OSBPL8: variants seen among roughly 807,000 people sequenced by gnomAD.
OSBPL8 encodes the protein oxysterol-binding protein-related protein 8.
In OSBPL8, 59 loss-of-function variants were observed where a neutral mutation model predicts 125.5. That is an observed-to-expected ratio of 0.47 (90% CI 0.38 to 0.58). The LOEUF is 0.58. Ranked by LOEUF, OSBPL8 falls within the 20% of genes least tolerant of loss-of-function variation. The pLI, the probability that OSBPL8 is intolerant of heterozygous loss-of-function variation, is 0.00. For missense variants in OSBPL8, 758 were observed against 1,047.8 expected (o/e 0.72, Z 3.82); for synonymous variants, 330 against 338.9 (o/e 0.97, Z 0.29).
chr12:76,405,763 A>G (rs1452322099), intron 5 of OSBPL8, among the ~76,000 whole-genome samples: 2 of 152,206 alleles, frequency 1.3e-5, no homozygotes, highest in Non-Finnish European at 2.9e-5. Flanking sequence ...TGTTGGGGAT[A>G]GTTTACTAAA....
chr12:76,539,049 T>TGGG (rs35179694), intron 1 of OSBPL8, among the ~76,000 whole-genome samples: 9 of 99,556 alleles, frequency 9.0e-5, no homozygotes, highest in Admixed American at 2.2e-4. Context: ...ATTAAATAAC[T>TGGG]GGGGGGGGGG....
Position 76,390,429 on chromosome 12 carries a change from T to C in OSBPL8, c.1158A>G (p.Glu386=). 1 of 1,605,504 alleles carries C rather than the reference T, an allele frequency of 6.2e-7. No individual in the cohort carries two copies. The highest frequency in any genetic ancestry group is 1.7e-5 in the Admixed American group (1 of 59,380). Reference sequence around the variant, plus strand: ...AATAGCAGACTTTTACCTCTCCAAGTTCTTCATGGCTCTGTTCAGTGTAGG... The same window carrying C: ...AATAGCAGACTTTTACCTCTCCAAGCTCTTCATGGCTCTGTTCAGTGTAGG... The part of the protein sequence containing the change: ...ETTYTEQSHE[E]LGEAGEASQT... The change falls in exon 11 of 24, where the codon GAA becomes GAG. Residue 386 remains glutamate (E), a synonymous_variant. Coordinates refer to ENST00000261183, the MANE Select transcript of OSBPL8 (RefSeq NM_020841.5).
At chr12:76,514,434 A>G (rs1239976478) in intron 1 of OSBPL8, among the ~76,000 whole-genome samples, 2 of 148,812 alleles carry the variant, frequency 1.3e-5, no homozygotes, top group Non-Finnish European at 3.0e-5. Flanking sequence ...TACAAGCATG[A>G]GCCGGCTAGA....
chr12:76,541,790 A>G (rs896221372), intron 1 of OSBPL8, among the ~76,000 whole-genome samples: 2 of 151,872 alleles, frequency 1.3e-5, no homozygotes, highest in African/African-American at 4.8e-5. Flanking sequence ...CGGGAGGTGG[A>G]GGCTGCAGTG....
At chr12:76,378,636 A>G (rs955072758) in intron 15 of OSBPL8, 86 bp from the exon 16 acceptor site, 2 of 883,656 alleles carry the variant, frequency 2.3e-6, no homozygotes, top group African/African-American at 3.3e-5. Context: ...CACCTACCAG[A>G]CATCTACAGT....
At chr12:76,438,267 T>C (rs1871738569) in intron 4 of OSBPL8, among the ~76,000 whole-genome samples, 1 of 150,824 alleles carries the variant, frequency 6.6e-6, no homozygotes, top group Admixed American at 6.6e-5. Context: ...ATTACAGGCA[T>C]GAGCCACTGC....
chr12:76,480,454 C>T (rs534858928), intron 2 of OSBPL8, among the ~76,000 whole-genome samples: 10 of 152,124 alleles, frequency 6.6e-5, no homozygotes, highest in African/African-American at 1.2e-4. Flanking sequence ...TATTGGGATA[C>T]GTTCTACTAC....
At chr12:76,391,843 A>T (rs1474336) in intron 10 of OSBPL8, among the ~76,000 whole-genome samples, 29,057 of 152,182 alleles carry the variant, frequency 0.19, 2,923 homozygotes, top group Middle Eastern at 0.24. Context: ...TAAATCAGGC[A>T]ATATGAAGAA....
At chr12:76,446,842 T>A (rs1206827362) in intron 4 of OSBPL8, among the ~76,000 whole-genome samples, 1 of 152,150 alleles carries the variant, frequency 6.6e-6, no homozygotes, top group African/African-American at 2.4e-5. Flanking sequence ...ATGAATATAT[T>A]AAAATCCATG....
Position 76,487,573 on chromosome 12 carries a change from G to A in OSBPL8, c.-22C>T, listed in dbSNP as rs1878290834. The A allele has an allele frequency of 6.3e-7, 1 of 1,582,346 alleles. No homozygotes were observed. Among genetic ancestry groups the A allele is most frequent in the Non-Finnish European group, 8.6e-7 (1 of 1,169,042 alleles). ...CCATAATGAAAGAAGATAGGTTTAT[G>A]CTTCTCTTTCCATTAATGTGCAGCC... On this transcript the variant is annotated 5_prime_UTR_variant, in exon 2 of 24. Coordinates refer to ENST00000261183, the MANE Select transcript of OSBPL8 (RefSeq NM_020841.5).
intron 1 of OSBPL8, among the ~76,000 whole-genome samples, chr12:76,518,629 C>A (rs1881781575): frequency 6.6e-6 from 1 of 152,236 alleles, no homozygotes; most frequent in African/African-American, 2.4e-5. Context: ...TTAGCCTGGG[C>A]ACCCAGGCTT....
At chr12:76,475,580 T>C (rs962772711) in intron 2 of OSBPL8, among the ~76,000 whole-genome samples, 4 of 152,238 alleles carry the variant, frequency 2.6e-5, no homozygotes, top group African/African-American at 4.8e-5. Context: ...AAATCTCTGG[T>C]CCACTTTCAG....
chr12:76,537,379 T>C (rs906498333), intron 1 of OSBPL8, among the ~76,000 whole-genome samples: 1 of 152,230 alleles, frequency 6.6e-6, no homozygotes, highest in Non-Finnish European at 1.5e-5. Flanking sequence ...TAAACGTGTT[T>C]AATTAAAGAA....
At chr12:76,470,567 A>AAATTT (rs1876016806) in intron 2 of OSBPL8, among the ~76,000 whole-genome samples, 2 of 152,358 alleles carry the variant, frequency 1.3e-5, no homozygotes, top group Admixed American at 1.3e-4. Context: ...ATATAGAGAT[A>AAATTT]TGTGAGCCTA....
chr12:76,505,811 C>G (rs926455777), intron 1 of OSBPL8, among the ~76,000 whole-genome samples: 1 of 152,140 alleles, frequency 6.6e-6, no homozygotes, highest in African/African-American at 2.4e-5. Flanking sequence ...GCAAAGAGAA[C>G]AGAAATGTAA....
At chr12:76,509,519 C>T (rs1880768541) in intron 1 of OSBPL8, among the ~76,000 whole-genome samples, 3 of 152,184 alleles carry the variant, frequency 2.0e-5, no homozygotes. Context: ...TTAAAGCAGT[C>T]TATTCCAAAT....
intron 1 of OSBPL8, among the ~76,000 whole-genome samples, chr12:76,488,007 GAAT>G (rs1291311122): frequency 6.6e-6 from 1 of 152,132 alleles, no homozygotes; most frequent in Non-Finnish European, 1.5e-5. Flanking sequence ...TTTGTTATGA[GAAT>G]ATAAATCAGG....
intron 4 of OSBPL8, among the ~76,000 whole-genome samples, chr12:76,420,793 T>C (rs1298838942): frequency 6.6e-6 from 1 of 152,052 alleles, no homozygotes; most frequent in Admixed American, 6.5e-5. Flanking sequence ...AAAAAGCCAC[T>C]TCTTTGAAGT....
chr12:76,444,783 T>A (rs1872568752), intron 4 of OSBPL8, among the ~76,000 whole-genome samples: 1 of 151,990 alleles, frequency 6.6e-6, no homozygotes, highest in Non-Finnish European at 1.5e-5. Flanking sequence ...AAGAGTGGAG[T>A]GAAATCTATA....
Sources: allele counts gnomAD v4.1 joint callset (sites outside exome capture counted in the v4.1 genomes callset), GRCh38; gene constraint gnomAD v4.1.1; transcripts MANE v1.5; gene names NCBI Gene and HGNC (gene_info 2026-07-23, HGNC 2026-07-21).